The following VPS13B variants were observed in gnomAD, a reference collection of about 807,000 sequenced individuals.
VPS13B encodes intermembrane lipid transfer protein VPS13B.
Under a neutral mutation model 426.4 loss-of-function variants are expected in VPS13B, and 285 were observed. That is an observed-to-expected ratio of 0.67 (90% CI 0.61 to 0.74). The LOEUF (loss-of-function observed/expected upper bound fraction) is 0.74, where lower values mean the gene tolerates loss of function less well. Ranked by LOEUF, VPS13B falls within the 30% of genes least tolerant of loss-of-function variation. The pLI is 0.00. For synonymous variants in VPS13B, 1,676 were observed against 1,676.4 expected, an observed-to-expected ratio of 1.00 and a Z score of 0.01; for missense variants, 4,537 against 4,782.6, an observed-to-expected ratio of 0.95 and a Z score of 1.51.
chr8:99,226,679 G>A (rs1816038180), intron 17 of VPS13B, among the ~76,000 whole-genome samples: 1 of 152,094 alleles, frequency 6.6e-6, no homozygotes, highest in African/African-American at 2.4e-5. Flanking sequence ...TAAATTACAT[G>A]TTATAGGTAT....
chr8:99,832,341 A>ATTTTTTTTTTTTTTTTTTTTTGTT, intron 51 of VPS13B, 28 bp from the exon 52 acceptor site: 1 of 1,192,552 alleles, frequency 8.4e-7, no homozygotes, highest in Middle Eastern at 3.1e-4. Context: ...TGCTCTCTGC[A>ATTTTTTTTTTTTTTTTTTTTTGTT]TTTTTTTTTT....
At chr8:99,180,054 A>G (rs1812863581) in intron 16 of VPS13B, among the ~76,000 whole-genome samples, 1 of 152,166 alleles carries the variant, frequency 6.6e-6, no homozygotes, top group Non-Finnish European at 1.5e-5. Flanking sequence ...TATAAAATAT[A>G]TTGTATAAAC....
intron 19 of VPS13B, among the ~76,000 whole-genome samples, chr8:99,365,620 G>A (rs1335110918): frequency 6.7e-6 from 1 of 149,392 alleles, no homozygotes; most frequent in Non-Finnish European, 1.5e-5. Context: ...GGGTTCAAGC[G>A]ATTCTTCTCC....
chr8:99,833,888 G>C (rs1167864922), intron 52 of VPS13B, among the ~76,000 whole-genome samples: 1 of 152,196 alleles, frequency 6.6e-6, no homozygotes, highest in Non-Finnish European at 1.5e-5. Context: ...GGCTCGCCTA[G>C]CTGTTTTAAA....
intron 2 of VPS13B, among the ~76,000 whole-genome samples, chr8:99,017,045 T>C (rs956268777): frequency 1.3e-5 from 2 of 152,210 alleles, no homozygotes; most frequent in Non-Finnish European, 2.9e-5. Flanking sequence ...TCTTTTCCCT[T>C]GTGGTTAGGG....
chr8:99,599,788 T>C (rs1464240151), intron 33 of VPS13B, among the ~76,000 whole-genome samples: 2 of 152,140 alleles, frequency 1.3e-5, no homozygotes, highest in Non-Finnish European at 2.9e-5. Flanking sequence ...ATAAACACCA[T>C]GGCTTAAACC....
chr8:99,742,641 T>C (rs573105557), intron 39 of VPS13B, among the ~76,000 whole-genome samples: 1 of 152,174 alleles, frequency 6.6e-6, no homozygotes. Flanking sequence ...TCAAGTGGGC[T>C]TCATCCCTGG....
At chr8:99,411,355 G>A (rs1311584172) in intron 21 of VPS13B, among the ~76,000 whole-genome samples, 1 of 152,186 alleles carries the variant, frequency 6.6e-6, no homozygotes, top group African/African-American at 2.4e-5. Context: ...CCGCATAAAT[G>A]TCTTCTTTTG....
intron 19 of VPS13B, among the ~76,000 whole-genome samples, chr8:99,289,004 C>G (rs1819583494): frequency 6.6e-6 from 1 of 151,082 alleles, no homozygotes; most frequent in Admixed American, 6.6e-5. Flanking sequence ...TGAGACCAGC[C>G]TGGACAACAT....
chr8:99,536,941 G>C, intron 30 of VPS13B: 2 of 407,562 alleles, frequency 4.9e-6, no homozygotes, highest in East Asian at 1.5e-4. Flanking sequence ...TGTTCAGTTC[G>C]ATGATAGAAC....
chr8:99,613,108 A>G (rs961189134), intron 33 of VPS13B, among the ~76,000 whole-genome samples: 1 of 152,228 alleles, frequency 6.6e-6, no homozygotes, highest in African/African-American at 2.4e-5. Flanking sequence ...TTCATGAAGA[A>G]GACAATTGAC....
chr8:99,576,897 A>C (rs1466827144), intron 32 of VPS13B, among the ~76,000 whole-genome samples: 1 of 152,158 alleles, frequency 6.6e-6, no homozygotes. Context: ...CTTTAGCTTC[A>C]ACACTCCGTT....
chr8:99,156,510 C>T, intron 14 of VPS13B, 39 bp from the exon 15 acceptor site: 1 of 1,606,850 alleles, frequency 6.2e-7, no homozygotes, highest in Non-Finnish European at 8.5e-7. Flanking sequence ...AGTCACTGCT[C>T]CACTTTTAAA....
chr8:99,076,191 T>C (rs1845111969), intron 3 of VPS13B, among the ~76,000 whole-genome samples: 2 of 152,242 alleles, frequency 1.3e-5, no homozygotes, highest in Admixed American at 6.5e-5. Context: ...GTTACTGATT[T>C]CCAGTTTTAT....
intron 33 of VPS13B, among the ~76,000 whole-genome samples, chr8:99,641,021 G>A (rs1321406455): frequency 6.6e-6 from 1 of 152,174 alleles, no homozygotes; most frequent in Non-Finnish European, 1.5e-5. Flanking sequence ...GTCTAAGAAA[G>A]AGGAACTGAT....
chr8:99,776,960 C>T lies in VPS13B; in HGVS notation c.7429+4C>T. ...CACCTTGACCAACTAGGCACAGGTA[C>T]TCTTTTTTTTAGCATCAGAATAACA... On this transcript the variant is annotated splice_donor_region_variant and intron_variant, in intron 41 of 61. Coordinates refer to ENST00000357162, the MANE Select transcript of VPS13B (RefSeq NM_152564.5). 1.2e-6 allele frequency: 2 copies of T among 1,613,332 alleles called. No individual in the cohort carries two copies. The highest frequency in any genetic ancestry group is 1.7e-6 in the Non-Finnish European group (2 of 1,179,274).
intron 19 of VPS13B, among the ~76,000 whole-genome samples, chr8:99,278,641 G>C (rs998690275): frequency 6.6e-6 from 1 of 152,176 alleles, no homozygotes; most frequent in Non-Finnish European, 1.5e-5. Flanking sequence ...GTGTTGGGCT[G>C]TTTATCATTT....
chr8:99,632,920 G>A (rs1828906182), intron 33 of VPS13B, among the ~76,000 whole-genome samples: 1 of 151,838 alleles, frequency 6.6e-6, no homozygotes, highest in Non-Finnish European at 1.5e-5. Flanking sequence ...TGAGACTTGG[G>A]TTTACTTTGA....
rs577765943 is a variant in VPS13B at position 99,030,045 on chromosome 8, C to T, written c.148-8378C>T. 4.6e-5 allele frequency among the ~76,000 whole-genome samples: 7 copies of T among 151,224 alleles called. No individual in the cohort carries two copies. In the East Asian group the frequency reaches 7.8e-4, roughly 17 times the overall value. On this transcript the variant is annotated intron_variant, in intron 2 of 61. Coordinates refer to ENST00000357162, the MANE Select transcript of VPS13B (RefSeq NM_152564.5). ...TGGACCTGGATGTTTATATTTCTTCCGTGACTTGAGATGTTTTCAGCAATT... is the reference window on the plus strand; with the variant it reads ...TGGACCTGGATGTTTATATTTCTTCTGTGACTTGAGATGTTTTCAGCAATT...
Sources: allele counts gnomAD v4.1 joint callset (sites outside exome capture counted in the v4.1 genomes callset), GRCh38; gene constraint gnomAD v4.1.1; transcripts MANE v1.5; gene names NCBI Gene and HGNC (gene_info 2026-07-23, HGNC 2026-07-21).